Variants in CEP112 observed in about 807,000 individuals in gnomAD.
CEP112 encodes centrosomal protein 112, also known as centrosomal protein of 112 kDa.
CEP112 carries 127 observed loss-of-function variants against 153.0 expected under a neutral mutation model. That is an observed-to-expected ratio of 0.83 (90% CI 0.72 to 0.96). The LOEUF (loss-of-function observed/expected upper bound fraction) is 0.96. Ranked by LOEUF, CEP112 falls within the 40% of genes least tolerant of loss-of-function variation. The pLI is 0.00. For synonymous variants in CEP112, 358 were observed against 374.4 expected, an observed-to-expected ratio of 0.96 and a Z score of 0.51; for missense variants, 1,089 against 1,101.2, an observed-to-expected ratio of 0.99 and a Z score of 0.16.
chr17:66,020,282 T>C (rs2145612792), intron 16 of CEP112, among the ~76,000 whole-genome samples: 1 of 152,356 alleles, frequency 6.6e-6, no homozygotes, highest in Middle Eastern at 3.4e-3. Context: ...ATATGAAATA[T>C]ACTTAACATT....
At chr17:65,767,042 A>T (rs1483945680) in intron 21 of CEP112, among the ~76,000 whole-genome samples, 1 of 152,142 alleles carries the variant, frequency 6.6e-6, no homozygotes, top group Non-Finnish European at 1.5e-5. Context: ...GCTTTAGACA[A>T]AATGGGCTAT....
In CEP112 at chr17:65,930,052, A is replaced by AT. The variant is rs543905784; in HGVS notation, c.1873-2364dup. On this transcript the variant is annotated intron_variant, in intron 18 of 26. Transcript: ENST00000535342. ...ACATTTGGGTATAACTTAAGACAAT[A>AT]TTTTTTGTCTGAGGCAATTACCAGC... is the stretch of plus-strand genomic sequence containing the variant. Among the ~76,000 whole-genome samples, 712 of 152,270 alleles carry AT rather than the reference A, an allele frequency of 4.7e-3. 5 individuals are homozygous for AT. The highest frequency in any genetic ancestry group is 0.017 in the African/African-American group (687 of 41,534).
chr17:65,970,661 A>G (rs910448331), intron 17 of CEP112, among the ~76,000 whole-genome samples: 2 of 151,914 alleles, frequency 1.3e-5, no homozygotes, highest in African/African-American at 2.4e-5. Context: ...TATATTACAT[A>G]CATGCATATT....
intron 8 of CEP112, among the ~76,000 whole-genome samples, chr17:66,073,248 A>G (rs928539948): frequency 1.3e-5 from 2 of 152,190 alleles, no homozygotes; most frequent in African/African-American, 2.4e-5. Context: ...TAGGTAATGC[A>G]GTACTGTGAT....
At chr17:65,690,295 G>A (rs1270950776) in intron 23 of CEP112, among the ~76,000 whole-genome samples, 1 of 151,348 alleles carries the variant, frequency 6.6e-6, no homozygotes, top group East Asian at 1.9e-4. Context: ...GTGTGGGGGT[G>A]CAAACCTGTG....
intron 6 of CEP112, among the ~76,000 whole-genome samples, chr17:66,125,006 A>G (rs1236620700): frequency 6.6e-6 from 1 of 152,210 alleles, no homozygotes; most frequent in East Asian, 1.9e-4. Flanking sequence ...AATGCTATAA[A>G]TACTGTTACG....
intron 21 of CEP112, among the ~76,000 whole-genome samples, chr17:65,788,630 T>C (rs2054412114): frequency 6.6e-6 from 1 of 152,184 alleles, no homozygotes. Flanking sequence ...TTTCTAAAAA[T>C]GTTTCCATCT....
chr17:65,711,185 T>C (rs189551664), intron 23 of CEP112, among the ~76,000 whole-genome samples: 33 of 152,320 alleles, frequency 2.2e-4, no homozygotes, highest in African/African-American at 7.9e-4. Flanking sequence ...TGTCATACGA[T>C]CAATTGAGTT....
chr17:65,866,144 C>T (rs550956109), intron 20 of CEP112, among the ~76,000 whole-genome samples: 1 of 152,300 alleles, frequency 6.6e-6, no homozygotes, highest in Admixed American at 6.5e-5. Flanking sequence ...GGAAGGCCCC[C>T]CATTTCCCCA....
rs183948854 is a variant in CEP112 at position 65,849,622 on chromosome 17, T to C, written c.2394+2182A>G. ...TAATGCAGGAAAATTACGGCCTAAATTGGATGTGTTATATGTCTGACTTTG... is the reference window on the plus strand; with the variant it reads ...TAATGCAGGAAAATTACGGCCTAAACTGGATGTGTTATATGTCTGACTTTG... On this transcript the variant is annotated intron_variant, in intron 21 of 26. Transcript: ENST00000535342. Among the ~76,000 whole-genome samples the C allele has an allele frequency of 1.5e-3, 224 of 152,312 alleles. 1 individual carries two copies. Among genetic ancestry groups the C allele is most frequent in the African/African-American group, 5.2e-3 (215 of 41,566 alleles).
intron 21 of CEP112, among the ~76,000 whole-genome samples, chr17:65,812,976 A>C (rs923475129): frequency 6.6e-6 from 1 of 152,254 alleles, no homozygotes; most frequent in Non-Finnish European, 1.5e-5. Context: ...TTCATACAGA[A>C]GTAAAAATCT....
At chr17:66,137,113 T>C (rs1365854773) in intron 4 of CEP112, among the ~76,000 whole-genome samples, 1 of 152,024 alleles carries the variant, frequency 6.6e-6, no homozygotes, top group Non-Finnish European at 1.5e-5. Context: ...TAGGATAAAT[T>C]ATGCATAAAC....
intron 6 of CEP112, among the ~76,000 whole-genome samples, chr17:66,116,536 A>G (rs1452025252): frequency 6.6e-6 from 1 of 152,034 alleles, no homozygotes; most frequent in Non-Finnish European, 1.5e-5. Context: ...TTTAGTCTGC[A>G]CTTGGTTTTT....
chr17:65,806,421 T>C (rs2055600764), intron 21 of CEP112, among the ~76,000 whole-genome samples: 1 of 152,228 alleles, frequency 6.6e-6, no homozygotes, highest in South Asian at 2.1e-4. Flanking sequence ...GGAAAGTTAA[T>C]CCTCAATGCA....
intron 5 of CEP112, 68 bp downstream of exon 5, chr17:66,132,602 A>G (rs1598413056): frequency 9.0e-7 from 1 of 1,108,596 alleles, no homozygotes; most frequent in East Asian, 2.4e-5. Context: ...AACAAATGAA[A>G]TTAAAACTTT....
intron 17 of CEP112, among the ~76,000 whole-genome samples, chr17:65,971,599 ATTGTG>A (rs2062825245): frequency 1.9e-5 from 1 of 54,026 alleles, no homozygotes; most frequent in Admixed American, 3.9e-4. Context: ...ATGCATGCAT[ATTGTG>A]TGCATATTAT....
intron 11 of CEP112, among the ~76,000 whole-genome samples, chr17:66,060,963 G>T (rs35578117): frequency 0.36 from 54,063 of 149,508 alleles, 10,767 homozygotes; most frequent in Non-Finnish European, 0.45. Context: ...AATCAACAGA[G>T]TGAAAAGGCA....
intron 4 of CEP112, among the ~76,000 whole-genome samples, chr17:66,133,872 T>C (rs988037309): frequency 1.3e-5 from 2 of 152,176 alleles, no homozygotes; most frequent in Non-Finnish European, 2.9e-5. Context: ...CAGAATAACA[T>C]TCCTTAGACT....
Position 65,830,237 on chromosome 17 carries a change from T to C in CEP112, c.2394+21567A>G, listed in dbSNP as rs184512685. On this transcript the variant is annotated intron_variant, in intron 21 of 26. Transcript: ENST00000535342. ...CCAAAGACAAGAATACCATCCTGAG[T>C]TCACCAGAACTTGGAGGAAAGCAGA... 4.6e-3 allele frequency among the ~76,000 whole-genome samples: 700 copies of C among 152,116 alleles called. 2 individuals are homozygous for C. The highest frequency in any genetic ancestry group is 0.02 in the Middle Eastern group (6 of 294).
Sources: allele counts gnomAD v4.1 joint callset (sites outside exome capture counted in the v4.1 genomes callset), GRCh38; gene constraint gnomAD v4.1.1; transcripts MANE v1.5; gene names NCBI Gene and HGNC (gene_info 2026-07-23, HGNC 2026-07-21).